The following ANKK1 variants were observed in gnomAD, a reference collection of about 807,000 sequenced individuals.
ANKK1 encodes the protein ankyrin repeat and kinase domain containing 1, also known as ankyrin repeat and protein kinase domain-containing protein 1.
In ANKK1, 37 loss-of-function variants were observed where a neutral mutation model predicts 37.6. That is an observed-to-expected ratio of 0.98 (90% CI 0.76 to 1.29). The LOEUF (loss-of-function observed/expected upper bound fraction) is 1.29. Among genes scored for constraint, ANKK1 ranks in the 50% most tolerant of loss-of-function variants. ANKK1 has a pLI of 0.00. For synonymous variants in ANKK1, 415 were observed against 418.7 expected (o/e 0.99, Z 0.11); for missense variants, 1,019 against 990.6 (o/e 1.03, Z -0.39).
chr11:113,391,470 G>A (rs1217414167), intron 1 of ANKK1, among the ~76,000 whole-genome samples: 1 of 152,138 alleles, frequency 6.6e-6, no homozygotes, highest in Non-Finnish European at 1.5e-5. Context: ...CAATTAGGAG[G>A]CTTGGGCTGA....
In ANKK1 at chr11:113,393,604, C is replaced by A. The variant is rs772090369; in HGVS notation, c.309C>A (p.Asn103Lys). The change falls in exon 2 of 8, where the codon AAC (asparagine) becomes AAA (lysine). Residue 103 changes from asparagine (N) to lysine (K), a missense_variant. Coordinates refer to ENST00000303941, the MANE Select transcript of ANKK1 (RefSeq NM_178510.2). ...GTATTGTGATGGAGTTTATGGCCAA[C>A]GGCTCCCTGGAGAAGGTGCTGTCCA... ...PLGIVMEFMA[N>K]GSLEKVLSTH... The A allele has an allele frequency of 6.2e-7, 1 of 1,613,978 alleles. No homozygotes were observed. The highest frequency in any genetic ancestry group is 8.5e-7 in the Non-Finnish European group (1 of 1,179,862).
intron 1 of ANKK1, 49 bp downstream of exon 1, chr11:113,388,118 G>C: frequency 2.1e-6 from 3 of 1,437,426 alleles, no homozygotes; most frequent in Non-Finnish European, 2.7e-6. Flanking sequence ...ACTGAGGCCC[G>C]GCAAGCTTTG....
In ANKK1 at chr11:113,400,083, C is replaced by T. The variant is rs1950690224; in HGVS notation, c.2114C>T (p.Thr705Ile). Residue 705 changes from threonine to isoleucine, a missense_variant, in exon 8 of 8, where the codon ACA becomes ATA. Coordinates refer to ENST00000303941, the MANE Select transcript of ANKK1 (RefSeq NM_178510.2). Reference protein sequence around the residue: ...PAHLAALKGNTAILKVLVEAG... With the variant: ...PAHLAALKGNIAILKVLVEAG... Reference sequence around the variant, plus strand: ...CACCTGGCCGCCCTCAAGGGCAACACAGCCATCCTCAAAGTGCTGGTCGAG... The same window carrying T: ...CACCTGGCCGCCCTCAAGGGCAACATAGCCATCCTCAAAGTGCTGGTCGAG... 1.9e-6 allele frequency: 3 copies of T among 1,613,342 alleles called. No individual in the cohort carries two copies. In the East Asian group the frequency reaches 6.7e-5, roughly 36 times the overall value.
Position 113,400,346 on chromosome 11 carries a change from C to T in ANKK1, c.*79C>T. 7.5e-7 allele frequency: 1 copy of T among 1,338,004 alleles called. No individual in the cohort carries two copies. 82.9% of individuals were successfully genotyped at this position (1,338,004 alleles called of 1,614,324 possible). A position where few individuals can be genotyped will look rare whatever the true frequency, so the allele number is the denominator to read the frequency against. On this transcript the variant is annotated 3_prime_UTR_variant, in exon 8 of 8. Transcript: ENST00000303941. ...CTGAGGCAGGCAGATCACCTGATAT[C>T]AAGAGTTTGAGGCCAGCCTGGCCAA...
At position 113,393,616 on chromosome 11, in the gene ANKK1, G is replaced by A. The variant is rs200273061; in HGVS notation, c.321G>A (p.Glu107=). Residue 107 remains glutamate, a synonymous_variant, in exon 2 of 8, where the codon GAG becomes GAA. Coordinates refer to ENST00000303941, the MANE Select transcript of ANKK1 (RefSeq NM_178510.2). ...VMEFMANGSL[E]KVLSTHSLCW... ...AGTTTATGGCCAACGGCTCCCTGGAGAAGGTGCTGTCCACCCACAGCCTCT... is the reference window on the plus strand; with the variant it reads ...AGTTTATGGCCAACGGCTCCCTGGAAAAGGTGCTGTCCACCCACAGCCTCT... 1.4e-4 allele frequency: 219 copies of A among 1,613,868 alleles called. No homozygotes were observed. The highest frequency in any genetic ancestry group is 1.7e-4 in the Non-Finnish European group (197 of 1,179,878).
rs759009323 is a variant in ANKK1, at chr11:113,394,998, C to T, written c.550C>T (p.Leu184=). The T allele has an allele frequency of 2.4e-5, 38 of 1,613,572 alleles. No homozygotes were observed. In the South Asian group the frequency reaches 4.2e-4, roughly 18 times the overall value. ...GATGCAGTACATCGAGAGGTCGGCT[C>T]TGCGGGGCATGCTCAGCTACATCCC... ...TRMQYIERSA[L]RGMLSYIPPE... is the part of the protein sequence containing the mutation. Residue 184 remains leucine, a synonymous_variant, in exon 3 of 8, where the codon CTG becomes TTG. Transcript: ENST00000303941.
At position 113,387,792 on chromosome 11, in the gene ANKK1, G is replaced by T. The variant is rs1209003608; in HGVS notation, c.-93G>T. The stretch of plus-strand genomic sequence containing the variant: ...GCTCGTCTCCCCATTCCCCTCTCCC[G>T]GACCCGAGGAGCAGGAAGCGGCGGC... On this transcript the variant is annotated 5_prime_UTR_variant, in exon 1 of 8. Transcript: ENST00000303941. 1.5e-6 allele frequency: 2 copies of T among 1,378,286 alleles called. No homozygotes were observed. Among genetic ancestry groups the T allele is most frequent in the Non-Finnish European group, 9.5e-7 (1 of 1,048,176 alleles). 85.4% of individuals were successfully genotyped at this position (1,378,286 alleles called of 1,614,324 possible). A position where few individuals can be genotyped will look rare whatever the true frequency, so the allele number is the denominator to read the frequency against.
chr11:113,397,337 G>A lies in ANKK1; in HGVS notation c.952G>A (p.Gly318Arg), dbSNP rs11604671. 0.45 allele frequency: 731,952 copies of A among 1,610,528 alleles called. 178,724 individuals carry two copies. Among genetic ancestry groups the A allele is most frequent in the Non-Finnish European group, 0.51 (598,804 of 1,178,680 alleles). ...VSCKLSLRQP[G>R]EVNEDISQEL... ...CTGCAAGCTGTCGCTGCGCCAGCCC[G>A]GGGAGGTGAGTGTGTGGGCTGGGCA... is the stretch of plus-strand genomic sequence containing the variant. The change falls in exon 6 of 8, where the codon GGG (glycine) becomes AGG (arginine). Residue 318 changes from glycine (G) to arginine (R), a missense_variant. Physicochemically the swap from Gly to Arg is moderately radical, Grantham distance 125 (BLOSUM62 -2). Coordinates refer to ENST00000303941, the MANE Select transcript of ANKK1 (RefSeq NM_178510.2).
chr11:113,395,453 TG>T, intron 4 of ANKK1, 45 bp downstream of exon 4: 1 of 1,597,368 alleles, frequency 6.3e-7, no homozygotes, highest in Non-Finnish European at 8.6e-7. Flanking sequence ...GGAGGACCCC[TG>T]GGATGGGCTC....
At chr11:113,388,188 C>T (rs1950561599) in intron 1 of ANKK1, 119 bp downstream of exon 1, 1 of 1,296,150 alleles carries the variant, frequency 7.7e-7, no homozygotes, top group Non-Finnish European at 1.0e-6. Context: ...CTGTCCCCCG[C>T]GGTATTTCTG....
At chr11:113,393,400 A>C in intron 1 of ANKK1, 81 bp from the exon 2 acceptor site, 2 of 1,448,736 alleles carry the variant, frequency 1.4e-6, no homozygotes, top group Non-Finnish European at 1.9e-6. Context: ...GTCTGGCATC[A>C]TGGCTAGTTT....
rs576630220 is a variant in ANKK1 at position 113,390,617 on chromosome 11, C to G, written c.185+2548C>G. ...GGGCGTGGTGGTGGGCACCTGTAGT[C>G]CCAGCTACTCAGGAGGTTGAGATAG... On this transcript the variant is annotated intron_variant, in intron 1 of 7. Coordinates refer to ENST00000303941, the MANE Select transcript of ANKK1 (RefSeq NM_178510.2). 3.6e-4 allele frequency among the ~76,000 whole-genome samples: 55 copies of G among 152,070 alleles called. No individual in the cohort carries two copies. In the South Asian group the frequency reaches 5.0e-3, roughly 14 times the overall value.
rs1406911849 is a variant in ANKK1 at position 113,387,858 on chromosome 11, C to T, written c.-27C>T. On this transcript the variant is annotated 5_prime_UTR_variant, in exon 1 of 8. Transcript: ENST00000303941. The stretch of plus-strand genomic sequence containing the variant: ...GGCAGCAGCCACAGCGGGGAGTGCG[C>T]GGCGCGGGGACAGGAAGAGAGGGGC... 3.5e-5 allele frequency: 51 copies of T among 1,469,792 alleles called. No individual in the cohort carries two copies. Among genetic ancestry groups the T allele is most frequent in the Non-Finnish European group, 4.4e-5 (49 of 1,108,460 alleles). 91.0% of individuals were successfully genotyped at this position (1,469,792 alleles called of 1,614,324 possible).
At chr11:113,395,192 C>A in intron 3 of ANKK1, 112 bp downstream of exon 3, 1 of 1,501,138 alleles carries the variant, frequency 6.7e-7, no homozygotes, top group Admixed American at 2.0e-5. Context: ...GAGGTCTGGC[C>A]CAAGGCGGAG....
Position 113,388,872 on chromosome 11 carries a change from C to A in ANKK1, c.185+803C>A, listed in dbSNP as rs567021359. ...GAAGAAGACACTCGGGATGTTAAAC[C>A]TGAGCATGATAACCATGTCCTCCTC... On this transcript the variant is annotated intron_variant, in intron 1 of 7. Coordinates refer to ENST00000303941, the MANE Select transcript of ANKK1 (RefSeq NM_178510.2). Among the ~76,000 whole-genome samples, 531 of 152,290 alleles carry A rather than the reference C, an allele frequency of 3.5e-3. 2 individuals are homozygous for A. The highest frequency in any genetic ancestry group is 6.3e-3 in the Non-Finnish European group (429 of 68,022).
intron 2 of ANKK1, 91 bp from the exon 3 acceptor site, chr11:113,394,838 C>T (rs547515288): frequency 1.5e-5 from 23 of 1,525,882 alleles, no homozygotes; most frequent in Non-Finnish European, 1.7e-5. Flanking sequence ...TACCCTGGAA[C>T]AGGCAGATAG....
In ANKK1 at chr11:113,388,025, G is replaced by A. The variant is rs751262148; in HGVS notation, c.141G>A (p.Glu47=). The change falls in exon 1 of 8, where the codon GAG becomes GAA. Residue 47 remains glutamate, a synonymous_variant. Coordinates refer to ENST00000303941, the MANE Select transcript of ANKK1 (RefSeq NM_178510.2). ...CGCGGCACAGGCGCTGGCGGACGGAGTACGCCATCAAGTGCGCCCCCTGCC... is the reference window on the plus strand; with the variant it reads ...CGCGGCACAGGCGCTGGCGGACGGAATACGCCATCAAGTGCGCCCCCTGCC... ...FQARHRRWRT[E]YAIKCAPCLP... The A allele has an allele frequency of 5.2e-6, 8 of 1,552,000 alleles. No individual in the cohort carries two copies. In the African/African-American group the frequency reaches 1.1e-4, roughly 21 times the overall value.
At chr11:113,390,180 G>A (rs545233316) in intron 1 of ANKK1, among the ~76,000 whole-genome samples, 50 of 152,302 alleles carry the variant, frequency 3.3e-4, no homozygotes, top group African/African-American at 1.2e-3. Context: ...CCATGAGAGT[G>A]TCTGTTTTGG....
At chr11:113,388,671 T>C (rs1449398808) in intron 1 of ANKK1, among the ~76,000 whole-genome samples, 2 of 152,246 alleles carry the variant, frequency 1.3e-5, no homozygotes, top group African/African-American at 4.8e-5. Context: ...TCTCTGTTTT[T>C]GTTTTTGTCC....
Sources: allele counts gnomAD v4.1 joint callset (sites outside exome capture counted in the v4.1 genomes callset), GRCh38; gene constraint gnomAD v4.1.1; transcripts MANE v1.5; gene names NCBI Gene and HGNC (gene_info 2026-07-23, HGNC 2026-07-21).